CDH23: variants seen among roughly 807,000 people sequenced by gnomAD.
CDH23 encodes cadherin-23.
A neutral mutation model predicts 317.1 loss-of-function variants in CDH23; 189 were observed. That is an observed-to-expected ratio of 0.60 (90% confidence interval 0.53 to 0.67). CDH23 has a LOEUF of 0.67. Ranked by LOEUF, CDH23 falls within the 30% of genes least tolerant of loss-of-function variation. The pLI is 0.00. For synonymous variants in CDH23, 1,839 were observed against 1,876.8 expected, an observed-to-expected ratio of 0.98 and a Z score of 0.52; for missense variants, 4,401 against 4,592.4, an observed-to-expected ratio of 0.96 and a Z score of 1.20.
At chr10:71,406,231 C>T (rs934249064) in intron 1 of CDH23, among the ~76,000 whole-genome samples, 1 of 152,044 alleles carries the variant, frequency 6.6e-6, no homozygotes, top group Non-Finnish European at 1.5e-5. Flanking sequence ...GGGAGTTTTC[C>T]AAGCAGGGAG....
intron 9 of CDH23, among the ~76,000 whole-genome samples, chr10:71,608,363 T>C (rs1860654093): frequency 6.6e-6 from 1 of 152,130 alleles, no homozygotes; most frequent in Non-Finnish European, 1.5e-5. Context: ...GAGATCAGGA[T>C]CGCACAGGTC....
chr10:71,448,774 C>T (rs535165095), intron 3 of CDH23, among the ~76,000 whole-genome samples: 89 of 152,330 alleles, frequency 5.8e-4, no homozygotes, highest in African/African-American at 2.0e-3. Context: ...GGAGACCAGC[C>T]TGGAGCCCTC....
At chr10:71,453,984 A>G (rs1327458958) in intron 3 of CDH23, among the ~76,000 whole-genome samples, 2 of 152,236 alleles carry the variant, frequency 1.3e-5, no homozygotes, top group Non-Finnish European at 2.9e-5. Context: ...AGGAGAAATA[A>G]TCAACTTTGG....
chr10:71,615,716 C>T (rs1338982933), intron 10 of CDH23, 100 bp downstream of exon 10: 9 of 810,796 alleles, frequency 1.1e-5, no homozygotes, highest in East Asian at 2.7e-5. Context: ...CCGGTGGTGG[C>T]GCCGGAAGCA....
intron 38 of CDH23, among the ~76,000 whole-genome samples, chr10:71,759,327 C>T (rs890779846): frequency 1.3e-5 from 2 of 151,976 alleles, no homozygotes; most frequent in Admixed American, 6.6e-5. Context: ...CGTGAGCCAC[C>T]GCACCTAACC....
chr10:71,403,442 TTCCTTCCTTCCTTTCCTTCC>T lies in CDH23; in HGVS notation c.-6+6126_-6+6145del, dbSNP rs1429117496. Among the ~76,000 whole-genome samples the T allele has an allele frequency of 8.3e-4, 65 of 78,434 alleles. 7 individuals carry two copies. Among genetic ancestry groups the T allele is most frequent in the African/African-American group, 3.8e-3 (46 of 12,008 alleles). The allele number at this position is 78,434 out of a possible 152,430, so 51.5% of individuals were successfully genotyped here. The stretch of plus-strand genomic sequence containing the variant: ...CTTCCTTCCTTCCTTCCTTCCTTCC[TTCCTTCCTTCCTTTCCTTCC>T]TTCCTTCCTTCCTTCCTTCCTTCCT... On this transcript the variant is annotated intron_variant, in intron 1 of 69. Transcript: ENST00000224721.
At chr10:71,555,968 G>A (rs1266020955) in intron 6 of CDH23, among the ~76,000 whole-genome samples, 1 of 152,194 alleles carries the variant, frequency 6.6e-6, no homozygotes, top group African/African-American at 2.4e-5. Context: ...AGAAGGGAGG[G>A]AGTGTCAGTC....
intron 8 of CDH23, among the ~76,000 whole-genome samples, chr10:71,571,620 C>G (rs1031942785): frequency 1.3e-5 from 2 of 152,232 alleles, no homozygotes; most frequent in African/African-American, 4.8e-5. Flanking sequence ...CGGCAGCCAT[C>G]TCTAGTCTCA....
At chr10:71,575,204 TTGCTGAAA>T (rs1858103212) in intron 8 of CDH23, among the ~76,000 whole-genome samples, 1 of 152,124 alleles carries the variant, frequency 6.6e-6, no homozygotes, top group Admixed American at 6.5e-5. Flanking sequence ...GAGTCTGAAT[TTGCTGAAA>T]TTCTTTGGAA....
chr10:71,461,411 G>C (rs60141920), intron 3 of CDH23, among the ~76,000 whole-genome samples: 1,787 of 152,358 alleles, frequency 0.012, 82 homozygotes, highest in East Asian at 0.12. Context: ...CCTGGGCTGT[G>C]ACAGCCTTAG....
chr10:71,578,428 T>C (rs1858379290), intron 9 of CDH23, among the ~76,000 whole-genome samples: 1 of 152,198 alleles, frequency 6.6e-6, no homozygotes. Flanking sequence ...GAGCTGCAAC[T>C]ACAGCTGATT....
chr10:71,778,325 CA>C lies in CDH23; in HGVS notation c.5187+18del, dbSNP rs778427766. On this transcript the variant is annotated intron_variant, in intron 40 of 69. Coordinates refer to ENST00000224721, the MANE Select transcript of CDH23 (RefSeq NM_022124.6). The stretch of plus-strand genomic sequence containing the variant: ...ACCACCACGGTGGGTGCATGGGACA[CA>C]GCCCCAACTTGGGCTTGGAGGTTGG... 6.2e-7 allele frequency: 1 copy of C among 1,613,788 alleles called. No individual in the cohort carries two copies. The highest frequency in any genetic ancestry group is 1.7e-5 in the Admixed American group (1 of 60,000).
At chr10:71,523,361 C>A (rs1485928268) in intron 6 of CDH23, among the ~76,000 whole-genome samples, 1 of 152,144 alleles carries the variant, frequency 6.6e-6, no homozygotes, top group East Asian at 1.9e-4. Flanking sequence ...AAAGCATTGT[C>A]TTTCTCCTCA....
At chr10:71,740,305 T>C (rs1839698818) in intron 36 of CDH23, among the ~76,000 whole-genome samples, 1 of 152,252 alleles carries the variant, frequency 6.6e-6, no homozygotes, top group African/African-American at 2.4e-5. Context: ...GCTCAGCTCC[T>C]GCAGCACTTA....
chr10:71,769,503 T>C (rs187003376), intron 38 of CDH23, among the ~76,000 whole-genome samples: 1 of 152,208 alleles, frequency 6.6e-6, no homozygotes, highest in East Asian at 1.9e-4. Flanking sequence ...AATAAGTAAA[T>C]ATTATGAAAG....
At chr10:71,418,406 A>G (rs1252241803) in intron 1 of CDH23, among the ~76,000 whole-genome samples, 2 of 152,116 alleles carry the variant, frequency 1.3e-5, no homozygotes, top group African/African-American at 4.8e-5. Flanking sequence ...ATTTTCATCT[A>G]GTTCATCCAC....
chr10:71,511,129 C>T lies in CDH23; in HGVS notation c.346C>T (p.Arg116Trp), dbSNP rs765846175. The change falls in exon 6 of 70, where the codon CGG becomes TGG. Residue 116 changes from arginine to tryptophan, a missense_variant. Arg to Trp is a moderately radical substitution (Grantham distance 101, BLOSUM62 -3). This residue lies in a region of CDH23 where 3,068 missense variants were observed against 3,203.3 expected (regional missense o/e 0.96). Transcript: ENST00000224721. ...SVSDHQGVIT[R>W]KVNIQVGDVN... Reference sequence around the variant, plus strand: ...GCCTTTCTCTTGCCAGGTGATCACACGGAAGGTGAACATCCAGGTTGGGGA... The same window carrying T: ...GCCTTTCTCTTGCCAGGTGATCACATGGAAGGTGAACATCCAGGTTGGGGA... 43 of 1,613,328 alleles carry T rather than the reference C, an allele frequency of 2.7e-5. No homozygotes were observed. The highest frequency in any genetic ancestry group is 4.4e-5 in the South Asian group (4 of 91,064).
intron 6 of CDH23, among the ~76,000 whole-genome samples, chr10:71,530,916 G>T (rs1365590086): frequency 6.6e-6 from 1 of 152,224 alleles, no homozygotes; most frequent in East Asian, 1.9e-4. Flanking sequence ...GACTGCCCTG[G>T]GTTACACAGC....
At chr10:71,676,231 A>T (rs374533083) in intron 15 of CDH23, among the ~76,000 whole-genome samples, 24 of 151,996 alleles carry the variant, frequency 1.6e-4, no homozygotes, top group Middle Eastern at 3.4e-3. Context: ...ACATGCTCGA[A>T]GGCCACGTGT....
Sources: gnomAD v4.1 joint callset for allele counts (sites outside exome capture counted in the v4.1 genomes callset) on GRCh38, gnomAD v4.1.1 for gene constraint, gnomAD v4.1.1 regional missense constraint, MANE v1.5 for transcripts, NCBI Gene and HGNC (gene_info 2026-07-23, HGNC 2026-07-21) for gene names.